Variants in ZC3H12B observed in about 807,000 individuals in gnomAD.
ZC3H12B encodes the protein zinc finger CCCH-type containing 12B, also known as probable ribonuclease ZC3H12B.
ZC3H12B carries 7 observed loss-of-function variants against 43.9 expected under a neutral mutation model. The observed-to-expected ratio is 0.16, with a 90% CI of 0.09 to 0.30. The LOEUF is 0.30. Among genes scored for constraint, ZC3H12B ranks in the 10% least tolerant of loss-of-function variants. The pLI is 1.00. For missense variants in ZC3H12B, 475 were observed against 670.2 expected (o/e 0.71, Z 3.22); for synonymous variants, 222 against 241.7 (o/e 0.92, Z 0.76).
the ZC3H12B span, among the ~76,000 whole-genome samples, chrX:65,318,065 AG>A: frequency 9.2e-6 from 1 of 108,958 alleles, no homozygotes; most frequent in East Asian, 2.9e-4. Flanking sequence ...ATCAAATTGT[AG>A]TTCTACTTTT....
At chrX:65,391,634 G>A (rs1481340073) in intron 2 of ZC3H12B, among the ~76,000 whole-genome samples, 1 of 111,551 alleles carries the variant, frequency 9.0e-6, no homozygotes, top group Admixed American at 9.5e-5. Context: ...GGCTAGTAGA[G>A]AACAAAGTAG....
chrX:65,216,114 T>C, the ZC3H12B span, among the ~76,000 whole-genome samples: 1 of 111,378 alleles, frequency 9.0e-6, no homozygotes, highest in Non-Finnish European at 1.9e-5. Flanking sequence ...CACAGGAACA[T>C]TGAATTAAAC....
At chrX:65,365,513 G>A (rs950085884), upstream of ZC3H12B, among the ~76,000 whole-genome samples, 1 of 110,733 alleles carries the variant, frequency 9.0e-6, no homozygotes, top group African/African-American at 3.3e-5. Flanking sequence ...ATCTCCCATT[G>A]TAGGTTCCCA....
At chrX:65,282,976 G>A in the ZC3H12B span, among the ~76,000 whole-genome samples, 2 of 111,505 alleles carry the variant, frequency 1.8e-5, no homozygotes, top group African/African-American at 6.5e-5. Context: ...CATTTTATGA[G>A]GCCAGCATCA....
chrX:65,250,838 C>T, the ZC3H12B span, among the ~76,000 whole-genome samples: 922 of 111,288 alleles, frequency 8.3e-3, 6 homozygotes, highest in Non-Finnish European at 0.014. Context: ...TGGATATTAG[C>T]CCTTTGTCAG....
At chrX:65,113,544 A>G in the ZC3H12B span, among the ~76,000 whole-genome samples, 11 of 106,593 alleles carry the variant, frequency 1.0e-4, no homozygotes, top group Admixed American at 1.1e-3. Context: ...AACCTGGGTG[A>G]GAGAATGAGA....
the ZC3H12B span, among the ~76,000 whole-genome samples, chrX:65,226,973 C>T: frequency 7.2e-5 from 8 of 110,987 alleles, no homozygotes; most frequent in East Asian, 2.8e-4. Flanking sequence ...CACAGATCAA[C>T]GAGACAGAAA....
rs150578206 is a variant in ZC3H12B at position 65,385,744 on chromosome X, C to G, written n.296-12849C>G. 4.2e-4 allele frequency among the ~76,000 whole-genome samples: 47 copies of G among 111,736 alleles called. No individual in the cohort carries two copies. In the East Asian group the frequency reaches 0.012, roughly 28 times the overall value. On this transcript the variant is annotated intron_variant and non_coding_transcript_variant, in intron 2 of 5. Transcript: ENST00000617377. ...TGCCAGTTTTCAAAGGGAATGCTTC[C>G]AGTTTTTGCCTATTCAGTATGACAT...
At chrX:65,127,360 A>G in the ZC3H12B span, among the ~76,000 whole-genome samples, 3 of 112,368 alleles carry the variant, frequency 2.7e-5, no homozygotes, top group East Asian at 5.7e-4. Context: ...ATTCATCATC[A>G]GGTCTTGCAG....
rs58150008 is a variant in ZC3H12B at position 65,466,915 on chromosome X, A to AATATAT, written n.408-21686_408-21681dup. Among the ~76,000 whole-genome samples, 217 of 23,813 alleles carry AATATAT rather than the reference A, an allele frequency of 9.1e-3. 19 individuals carry two copies. Among genetic ancestry groups the AATATAT allele is most frequent in the Non-Finnish European group, 0.022 (135 of 6,240 alleles). 20.7% of individuals were successfully genotyped at this position (23,813 alleles called of 115,157 possible). A position where few individuals can be genotyped will look rare whatever the true frequency, so the allele number is the denominator to read the frequency against. On this transcript the variant is annotated intron_variant and non_coding_transcript_variant, in intron 3 of 5. Coordinates refer to the ZC3H12B transcript ENST00000617377. ...ATATGTAACTATATATATAAAACCA[A>AATATAT]ATATATATATATATATATATATATA...
the ZC3H12B span, among the ~76,000 whole-genome samples, chrX:65,229,578 T>A: frequency 1.8e-5 from 2 of 110,035 alleles, no homozygotes; most frequent in African/African-American, 6.6e-5. Flanking sequence ...AAAAGAAACT[T>A]CCGTCAGAGT....
intron 3 of ZC3H12B, among the ~76,000 whole-genome samples, chrX:65,455,341 AG>A (rs1165274551): frequency 8.9e-6 from 1 of 112,630 alleles, no homozygotes; most frequent in Non-Finnish European, 1.9e-5. Context: ...CATAAGCCTC[AG>A]TAGCTGATTC....
In ZC3H12B at chrX:65,502,937, T is replaced by C. The variant is rs1207806178; in HGVS notation, c.2239T>C (p.Leu747=). The change falls in exon 5 of 5, where the codon TTG becomes CTG. Residue 747 remains leucine, a synonymous_variant. Transcript: ENST00000338957. ...CTCCTATGGCTACCACTCCTATCCCTTGAGTAACAGCCTCATGCAACCATG... is the reference window on the plus strand; with the variant it reads ...CTCCTATGGCTACCACTCCTATCCCCTGAGTAACAGCCTCATGCAACCATG... The C allele has an allele frequency of 4.1e-6, 5 of 1,211,531 alleles. No individual in the cohort carries two copies. In the Admixed American group the frequency reaches 1.1e-4, roughly 26 times the overall value.
At chrX:65,161,522 T>C in the ZC3H12B span, among the ~76,000 whole-genome samples, 1 of 112,061 alleles carries the variant, frequency 8.9e-6, no homozygotes, top group East Asian at 2.8e-4. Context: ...TGTAATGGCC[T>C]TCTTTGTCTC....
chrX:65,278,652 A>T, the ZC3H12B span, among the ~76,000 whole-genome samples: 1 of 111,845 alleles, frequency 8.9e-6, no homozygotes, highest in East Asian at 2.8e-4. Context: ...TGTGGCTTTT[A>T]TTTTAATGTT....
chrX:65,374,658 C>T (rs1385613406), intron 2 of ZC3H12B, among the ~76,000 whole-genome samples: 4 of 110,450 alleles, frequency 3.6e-5, no homozygotes, highest in East Asian at 5.7e-4. Context: ...AGTCCACTCT[C>T]GCACTGCTAT....
At chrX:65,443,403 A>G (rs973903052) in intron 3 of ZC3H12B, among the ~76,000 whole-genome samples, 1 of 111,455 alleles carries the variant, frequency 9.0e-6, no homozygotes, top group Non-Finnish European at 1.9e-5. Context: ...CAGAGGCGCT[A>G]GAGGAATTAA....
At chrX:65,256,905 A>G in the ZC3H12B span, among the ~76,000 whole-genome samples, 1 of 112,261 alleles carries the variant, frequency 8.9e-6, no homozygotes, top group Non-Finnish European at 1.9e-5. Context: ...ACAATGAGAT[A>G]CCATCTCACA....
At chrX:65,241,882 C>T in the ZC3H12B span, among the ~76,000 whole-genome samples, 2 of 111,532 alleles carry the variant, frequency 1.8e-5, no homozygotes, top group Non-Finnish European at 3.8e-5. Flanking sequence ...TCCTACCTTG[C>T]TGGCATTCCT....
Sources: allele counts gnomAD v4.1 joint callset (sites outside exome capture counted in the v4.1 genomes callset), GRCh38; gene constraint gnomAD v4.1.1; transcripts MANE v1.5; gene names NCBI Gene and HGNC (gene_info 2026-07-23, HGNC 2026-07-21).